IFT56: variants seen among roughly 807,000 people sequenced by gnomAD.
IFT56 encodes intraflagellar transport 56.
chr7:139,163,366 A>G, the IFT56 span, among the ~76,000 whole-genome samples: 1 of 151,982 alleles, frequency 6.6e-6, no homozygotes, highest in Admixed American at 6.6e-5. Context: ...GAAAAAAAAG[A>G]AAGTGGCATT....
chr7:139,155,409 G>A, the IFT56 span, among the ~76,000 whole-genome samples: 1 of 152,138 alleles, frequency 6.6e-6, no homozygotes, highest in African/African-American at 2.4e-5. Flanking sequence ...AAAGCATCCA[G>A]TATTTCACTG....
chr7:139,161,051 G>A, the IFT56 span: 5 of 1,586,796 alleles, frequency 3.2e-6, no homozygotes, highest in South Asian at 1.1e-5. Flanking sequence ...TCTTGACTGA[G>A]TTCAGTCCTA....
At chr7:139,155,597 T>C in the IFT56 span, among the ~76,000 whole-genome samples, 2 of 152,174 alleles carry the variant, frequency 1.3e-5, no homozygotes, top group African/African-American at 2.4e-5. Flanking sequence ...GATTTTTGAA[T>C]GTTAAACCAC....
chr7:139,175,979 G>A, the IFT56 span, among the ~76,000 whole-genome samples: 9 of 151,772 alleles, frequency 5.9e-5, no homozygotes, highest in African/African-American at 1.5e-4. Flanking sequence ...ACAGGCGCCC[G>A]CACCACGCCC....
At chr7:139,146,024 A>G in the IFT56 span, among the ~76,000 whole-genome samples, 4 of 152,178 alleles carry the variant, frequency 2.6e-5, no homozygotes, top group Non-Finnish European at 5.9e-5. Context: ...TTATATGTGT[A>G]TATATGTGTA....
At chr7:139,189,407 C>T in the IFT56 span, 1 of 1,612,646 alleles carries the variant, frequency 6.2e-7, no homozygotes. Context: ...AAGAAATGGG[C>T]CAAAGAAAAC....
the IFT56 span, among the ~76,000 whole-genome samples, chr7:139,146,395 T>A: frequency 3.3e-5 from 5 of 152,104 alleles, no homozygotes; most frequent in African/African-American, 1.2e-4. Context: ...GAGCAGGAAA[T>A]TAAAAATTGA....
chr7:139,154,682 C>T, the IFT56 span, among the ~76,000 whole-genome samples: 3 of 152,152 alleles, frequency 2.0e-5, no homozygotes, highest in Non-Finnish European at 1.5e-5. Context: ...ACTCAGTTCT[C>T]TTCCATTGGT....
At chr7:139,137,773 G>A in the IFT56 span, 56 of 1,272,850 alleles carry the variant, frequency 4.4e-5, no homozygotes, top group East Asian at 1.4e-4. Context: ...GTAACCCAAC[G>A]TAGCATTTTT....
chr7:139,184,674 C>T, the IFT56 span, among the ~76,000 whole-genome samples: 1 of 151,916 alleles, frequency 6.6e-6, no homozygotes, highest in Admixed American at 6.6e-5. Flanking sequence ...TTTGGGAGGC[C>T]AAGGCAGGAG....
the IFT56 span, chr7:139,178,396 T>C: frequency 4.3e-6 from 6 of 1,410,814 alleles, no homozygotes; most frequent in Admixed American, 9.1e-5. Context: ...CCATTTTCTG[T>C]GGTGGCATTA....
At chr7:139,187,905 TG>T in the IFT56 span, among the ~76,000 whole-genome samples, 1 of 151,938 alleles carries the variant, frequency 6.6e-6, no homozygotes, top group Non-Finnish European at 1.5e-5. Flanking sequence ...GTTTTTTGTT[TG>T]TTTTTTGTTT....
At chr7:139,152,023 T>C in the IFT56 span, among the ~76,000 whole-genome samples, 1 of 152,214 alleles carries the variant, frequency 6.6e-6, no homozygotes, top group African/African-American at 2.4e-5. Flanking sequence ...ATTGCGCCAC[T>C]ACATTCCAGC....
the IFT56 span, among the ~76,000 whole-genome samples, chr7:139,184,087 T>C: frequency 6.6e-6 from 1 of 152,212 alleles, no homozygotes; most frequent in Admixed American, 6.5e-5. Context: ...TTTGGCACCA[T>C]AGGGTGATTT....
chr7:139,161,206 T>A, the IFT56 span: 4 of 504,556 alleles, frequency 7.9e-6, no homozygotes, highest in Non-Finnish European at 1.0e-5. Context: ...GAAATCCTTG[T>A]TGGGAGAACA....
At chr7:139,169,567 C>T in the IFT56 span, among the ~76,000 whole-genome samples, 3 of 152,062 alleles carry the variant, frequency 2.0e-5, no homozygotes, top group Non-Finnish European at 4.4e-5. Flanking sequence ...CTGTTTTGTT[C>T]CTGAGAGTTT....
At chr7:139,140,112 A>G in the IFT56 span, 1 of 662,186 alleles carries the variant, frequency 1.5e-6, no homozygotes, top group Non-Finnish European at 2.4e-6. Flanking sequence ...AAAAATTGAT[A>G]TTAGAAAGCT....
chr7:139,156,726 A>G, the IFT56 span, among the ~76,000 whole-genome samples: 9 of 152,142 alleles, frequency 5.9e-5, no homozygotes, highest in Admixed American at 5.2e-4. Flanking sequence ...CCATTTATTG[A>G]AAAGATCAGT....
At chr7:139,133,994 C>G in the IFT56 span, 12 of 1,091,392 alleles carry the variant, frequency 1.1e-5, no homozygotes, top group African/African-American at 1.1e-4. Flanking sequence ...TGTGTTCCCA[C>G]GGGGGACAGG....
Sources: allele counts gnomAD v4.1 joint callset (sites outside exome capture counted in the v4.1 genomes callset), GRCh38; gene constraint gnomAD v4.1.1; transcripts MANE v1.5; gene names NCBI Gene and HGNC (gene_info 2026-07-23, HGNC 2026-07-21).